PCSK6: variants seen among roughly 807,000 people sequenced by gnomAD.
PCSK6 encodes proprotein convertase subtilisin/kexin type 6.
Under a neutral mutation model 123.3 loss-of-function variants are expected in PCSK6, and 85 were observed. The ratio of observed to expected loss-of-function variants is 0.69; its 90% confidence interval spans 0.58 to 0.83. The LOEUF (loss-of-function observed/expected upper bound fraction) is 0.83, where lower values mean the gene tolerates loss of function less well. Among genes scored for constraint, PCSK6 ranks in the 40% least tolerant of loss-of-function variants. The pLI is 0.00. For missense variants in PCSK6, 1,191 were observed against 1,282.3 expected (o/e 0.93, Z 1.09); for synonymous variants, 508 against 516.0 (o/e 0.98, Z 0.21).
chr15:101,313,636 T>G, intron 19 of PCSK6, 131 bp from the exon 20 acceptor site: 1 of 1,359,506 alleles, frequency 7.4e-7, no homozygotes, highest in Non-Finnish European at 9.8e-7. Flanking sequence ...CAGCTGCCAT[T>G]TCCCAGGTTC....
intron 6 of PCSK6, among the ~76,000 whole-genome samples, chr15:101,422,362 A>T (rs1278282169): frequency 3.9e-5 from 6 of 152,224 alleles, no homozygotes; most frequent in African/African-American, 1.4e-4. Flanking sequence ...AGGCTGGAGG[A>T]GCTGAGCAGG....
intron 1 of PCSK6, among the ~76,000 whole-genome samples, chr15:101,460,930 G>A (rs138081425): frequency 2.0e-5 from 3 of 152,156 alleles, no homozygotes; most frequent in Admixed American, 6.5e-5. Context: ...TGAGGTGTTC[G>A]TGGTAAGAGA....
At chr15:101,396,968 G>C (rs1399118832) in intron 7 of PCSK6, among the ~76,000 whole-genome samples, 1 of 152,140 alleles carries the variant, frequency 6.6e-6, no homozygotes, top group Admixed American at 6.5e-5. Context: ...AGACCTGAGT[G>C]GTTGGGGGGT....
rs750852380 is a variant in PCSK6 at position 101,393,248 on chromosome 15, G to A, written c.1173C>T (p.Thr391=). ...CATAAAAGGCCCCACTGCTGTAGGTGGTGGCCAGGGTGGAGGCACACTCTT... is the reference window on the plus strand; with the variant it reads ...CATAAAAGGCCCCACTGCTGTAGGTAGTGGCCAGGGTGGAGGCACACTCTT... ...YLEECASTLA[T]TYSSGAFYER... is the part of the protein sequence containing the mutation. Residue 391 remains threonine (T), a synonymous_variant, in exon 8 of 22, where the codon ACC becomes ACT. Transcript: ENST00000611716. 5 of 1,613,432 alleles carry A rather than the reference G, an allele frequency of 3.1e-6. No individual in the cohort carries two copies. In the East Asian group the frequency reaches 1.1e-4, roughly 36 times the overall value.
At chr15:101,464,091 CAG>C (rs574802718) in intron 1 of PCSK6, among the ~76,000 whole-genome samples, 38 of 152,254 alleles carry the variant, frequency 2.5e-4, no homozygotes, top group Middle Eastern at 3.4e-3. Flanking sequence ...CCACCATCTG[CAG>C]AGACAACTCT....
intron 1 of PCSK6, 58 bp downstream of exon 1, chr15:101,489,316 T>TCG: frequency 5.7e-6 from 6 of 1,056,432 alleles, no homozygotes; most frequent in Non-Finnish European, 6.9e-6. Flanking sequence ...GGCGCCCCCC[T>TCG]CGCGCGCGCC....
chr15:101,313,249 C>G (rs1445502799), intron 20 of PCSK6, 127 bp downstream of exon 20: 2 of 1,567,436 alleles, frequency 1.3e-6, no homozygotes, highest in Non-Finnish European at 1.7e-6. Context: ...TAAATGGGCT[C>G]CTGTCCACAG....
chr15:101,389,438 T>TAGA (rs2042160558), intron 9 of PCSK6, 26 bp downstream of exon 9: 2 of 1,533,130 alleles, frequency 1.3e-6, no homozygotes, highest in African/African-American at 2.7e-5. Context: ...TTTTTTTTTT[T>TAGA]TAGAAAAAGG....
chr15:101,369,353 C>T (rs2041504393), intron 12 of PCSK6, among the ~76,000 whole-genome samples: 1 of 152,222 alleles, frequency 6.6e-6, no homozygotes, highest in African/African-American at 2.4e-5. Context: ...TGAGAGCCTT[C>T]GCTAGCCCCT....
intron 11 of PCSK6, 67 bp downstream of exon 11, chr15:101,382,025 C>T: frequency 9.2e-7 from 1 of 1,082,154 alleles, no homozygotes; most frequent in Non-Finnish European, 1.4e-6. Context: ...CCCAGCCACA[C>T]CTTACAACAG....
At chr15:101,337,833 T>TA (rs917724671) in intron 13 of PCSK6, among the ~76,000 whole-genome samples, 12 of 152,338 alleles carry the variant, frequency 7.9e-5, no homozygotes, top group African/African-American at 2.6e-4. Flanking sequence ...CATTTTTTTT[T>TA]ACAGCAAAAT....
intron 17 of PCSK6, among the ~76,000 whole-genome samples, chr15:101,323,569 A>G (rs1204542071): frequency 6.6e-6 from 1 of 152,116 alleles, no homozygotes; most frequent in East Asian, 1.9e-4. Flanking sequence ...CATCTCTACT[A>G]AAAATACAAA....
At chr15:101,463,818 C>T (rs4965873) in intron 1 of PCSK6, among the ~76,000 whole-genome samples, 112,806 of 151,936 alleles carry the variant, frequency 0.74, 42,503 homozygotes, top group Non-Finnish European at 0.82. Flanking sequence ...CCTACCAAAG[C>T]TGTGAGGTCA....
chr15:101,489,253 C>T, intron 1 of PCSK6, 121 bp downstream of exon 1: 1 of 618,774 alleles, frequency 1.6e-6, no homozygotes, highest in Non-Finnish European at 2.0e-6. Flanking sequence ...CAAGCGGTCC[C>T]GGAGCCTTCC....
At chr15:101,325,220 G>C (rs2141360039) in intron 16 of PCSK6, among the ~76,000 whole-genome samples, 174 bp from the exon 17 acceptor site, 1 of 152,320 alleles carries the variant, frequency 6.6e-6, no homozygotes, top group Admixed American at 6.5e-5. Flanking sequence ...GGAGAGGCTG[G>C]AGGCCTTGCA....
chr15:101,357,539 G>A (rs572903979), intron 13 of PCSK6, among the ~76,000 whole-genome samples: 2 of 152,362 alleles, frequency 1.3e-5, no homozygotes, highest in East Asian at 3.9e-4. Flanking sequence ...AACATTCAGT[G>A]CTGGGGCTGG....
chr15:101,435,071 C>A (rs772747683), intron 2 of PCSK6, among the ~76,000 whole-genome samples: 6 of 152,286 alleles, frequency 3.9e-5, no homozygotes, highest in South Asian at 4.1e-4. Flanking sequence ...CCGGCCAGGA[C>A]CAAAGTGCCT....
chr15:101,464,050 G>C (rs1178858544), intron 1 of PCSK6, among the ~76,000 whole-genome samples: 1 of 152,108 alleles, frequency 6.6e-6, no homozygotes, highest in Non-Finnish European at 1.5e-5. Context: ...GCAGGGCAGG[G>C]AAGACAGTGG....
intron 13 of PCSK6, among the ~76,000 whole-genome samples, chr15:101,354,327 C>T (rs954632392): frequency 5.9e-5 from 9 of 152,216 alleles, no homozygotes; most frequent in African/African-American, 1.9e-4. Context: ...CATACTTATA[C>T]ACAATACTCT....
Sources: gnomAD v4.1 joint callset for allele counts (sites outside exome capture counted in the v4.1 genomes callset) on GRCh38, gnomAD v4.1.1 for gene constraint, MANE v1.5 for transcripts, NCBI Gene and HGNC (gene_info 2026-07-23, HGNC 2026-07-21) for gene names.